MMP16: variants seen among roughly 807,000 people sequenced by gnomAD.
The protein encoded by MMP16 is matrix metallopeptidase 16, also known as matrix metalloproteinase-16.
A neutral mutation model predicts 67.8 loss-of-function variants in MMP16; 12 were observed. The ratio of observed to expected loss-of-function variants is 0.18; its 90% CI spans 0.11 to 0.29. The LOEUF is 0.29. Among genes scored for constraint, MMP16 ranks in the 10% least tolerant of loss-of-function variants. The probability of loss-of-function intolerance (pLI) is 1.00; values close to 1 mark genes in which losing one functional copy is unlikely to be tolerated. For missense variants in MMP16, 475 were observed against 765.7 expected (o/e 0.62, Z 4.48); for synonymous variants, 249 against 255.9 (o/e 0.97, Z 0.26).
At chr8:88,056,840 T>C (rs572145431) in intron 7 of MMP16, among the ~76,000 whole-genome samples, 19 of 152,276 alleles carry the variant, frequency 1.2e-4, no homozygotes, top group African/African-American at 4.3e-4. Flanking sequence ...TTCATGTCTT[T>C]AAGAGTGGTA....
intron 1 of MMP16, among the ~76,000 whole-genome samples, chr8:88,240,212 G>T (rs764795679): frequency 1.1e-4 from 17 of 152,204 alleles, no homozygotes; most frequent in Non-Finnish European, 2.1e-4. Context: ...CTAACCATCA[G>T]CAATTGTTAA....
At chr8:88,080,395 G>C (rs942094173) in intron 6 of MMP16, among the ~76,000 whole-genome samples, 2 of 152,112 alleles carry the variant, frequency 1.3e-5, no homozygotes. Flanking sequence ...ATACACGTTT[G>C]CTCACAAGCA....
At chr8:88,271,450 C>T (rs551309873) in intron 1 of MMP16, among the ~76,000 whole-genome samples, 1 of 152,072 alleles carries the variant, frequency 6.6e-6, no homozygotes, top group South Asian at 2.1e-4. Flanking sequence ...ATGTGTGACT[C>T]ATATCAGTCA....
intron 7 of MMP16, among the ~76,000 whole-genome samples, chr8:88,064,346 G>T (rs1411287437): frequency 3.9e-5 from 6 of 152,042 alleles, no homozygotes; most frequent in African/African-American, 1.4e-4. Context: ...TATTCTTTGA[G>T]AAAACATCAG....
In MMP16 at chr8:88,207,308, T is replaced by C. The variant is rs75947888; in HGVS notation, c.133-10002A>G. Among the ~76,000 whole-genome samples the C allele has an allele frequency of 6.5e-3, 988 of 152,308 alleles. 8 individuals carry two copies. Among genetic ancestry groups the C allele is most frequent in the Middle Eastern group, 0.01 (3 of 294 alleles). On this transcript the variant is annotated intron_variant, in intron 1 of 9. Coordinates refer to ENST00000286614, the MANE Select transcript of MMP16 (RefSeq NM_005941.5). Reference sequence around the variant, plus strand: ...TTAACTGTAGTACGTATTGTACTACTGTGATAATATCATAGCCACCTCCTG... The same window carrying C: ...TTAACTGTAGTACGTATTGTACTACCGTGATAATATCATAGCCACCTCCTG...
At chr8:88,186,664 T>A in intron 2 of MMP16, 66 bp from the exon 3 acceptor site, 2 of 1,522,362 alleles carry the variant, frequency 1.3e-6, no homozygotes, top group Non-Finnish European at 1.8e-6. Flanking sequence ...ACCCTAATCA[T>A]TAAATTCAAA....
In MMP16 at chr8:88,070,794, C is replaced by A. The variant is rs186021494; in HGVS notation, c.1222+3811G>T. ...CCTGACTCTCAGGATTCAATGTCCTCTGTTTCTTGATACCCAGTGTCTTTG... is the reference window on the plus strand; with the variant it reads ...CCTGACTCTCAGGATTCAATGTCCTATGTTTCTTGATACCCAGTGTCTTTG... On this transcript the variant is annotated intron_variant, in intron 7 of 9. Transcript: ENST00000286614. Among the ~76,000 whole-genome samples the A allele has an allele frequency of 2.1e-4, 32 of 152,194 alleles. No individual in the cohort carries two copies. The East Asian group carries it at 6.2e-3, about 29-fold the overall frequency.
At chr8:88,234,821 C>T (rs1809915630) in intron 1 of MMP16, among the ~76,000 whole-genome samples, 1 of 152,182 alleles carries the variant, frequency 6.6e-6, no homozygotes, top group African/African-American at 2.4e-5. Flanking sequence ...CTTTATTCCA[C>T]TTATTCATTG....
intron 1 of MMP16, among the ~76,000 whole-genome samples, chr8:88,266,450 T>C (rs1393418246): frequency 6.6e-6 from 1 of 152,186 alleles, no homozygotes; most frequent in African/African-American, 2.4e-5. Context: ...TATAAATTCA[T>C]CTGGAGTATA....
intron 1 of MMP16, among the ~76,000 whole-genome samples, chr8:88,218,334 T>C (rs1020666508): frequency 6.6e-6 from 1 of 151,980 alleles, no homozygotes; most frequent in Admixed American, 6.6e-5. Context: ...ATAGTCAGAA[T>C]GTAGGGGAAA....
chr8:88,249,108 G>A (rs1168108352), intron 1 of MMP16, among the ~76,000 whole-genome samples: 4 of 151,814 alleles, frequency 2.6e-5, no homozygotes, highest in African/African-American at 9.7e-5. Context: ...GAGGCATAGG[G>A]GACACTGAGC....
At chr8:88,163,755 A>G (rs1405926261) in intron 4 of MMP16, among the ~76,000 whole-genome samples, 1 of 152,084 alleles carries the variant, frequency 6.6e-6, no homozygotes, top group Non-Finnish European at 1.5e-5. Context: ...ATTTTGCTGG[A>G]CTTAAATTTT....
At chr8:88,288,552 G>C (rs562178963) in intron 1 of MMP16, among the ~76,000 whole-genome samples, 1 of 152,016 alleles carries the variant, frequency 6.6e-6, no homozygotes, top group South Asian at 2.1e-4. Context: ...CCAGTGTTCT[G>C]GTATCTTTAG....
chr8:88,109,924 A>G (rs1809305815), intron 6 of MMP16, among the ~76,000 whole-genome samples: 1 of 151,292 alleles, frequency 6.6e-6, no homozygotes, highest in African/African-American at 2.4e-5. Context: ...TTGCATGATT[A>G]TAGGGAATTG....
chr8:88,327,135 T>C lies in MMP16; in HGVS notation c.72A>G (p.Gln24=), dbSNP rs1332196427. Residue 24 remains glutamine (Q), a synonymous_variant, in exon 1 of 10, where the codon CAA becomes CAG. Coordinates refer to ENST00000286614, the MANE Select transcript of MMP16 (RefSeq NM_005941.5). The part of the protein sequence containing the change: ...FVHHSGVFFL[Q]TLLWILCATV... ...TAGCACATAAAATCCAAAGCAAGGTTTGCAAGAAAAACACCCCCGAATGAT... is the reference window on the plus strand; with the variant it reads ...TAGCACATAAAATCCAAAGCAAGGTCTGCAAGAAAAACACCCCCGAATGAT... The C allele has an allele frequency of 6.2e-7, 1 of 1,613,978 alleles. No individual in the cohort carries two copies. Among genetic ancestry groups the C allele is most frequent in the Non-Finnish European group, 8.5e-7 (1 of 1,179,972 alleles).
At chr8:88,061,588 T>C (rs1455161566) in intron 7 of MMP16, among the ~76,000 whole-genome samples, 1 of 152,060 alleles carries the variant, frequency 6.6e-6, no homozygotes, top group Non-Finnish European at 1.5e-5. Flanking sequence ...ACTAGGCTCA[T>C]CAATAACCAG....
At chr8:88,231,635 G>A (rs1809860206) in intron 1 of MMP16, among the ~76,000 whole-genome samples, 1 of 152,160 alleles carries the variant, frequency 6.6e-6, no homozygotes. Context: ...CCACCTAGGT[G>A]ACCAGCTTGT....
intron 4 of MMP16, among the ~76,000 whole-genome samples, chr8:88,146,155 C>G (rs1201378832): frequency 6.6e-6 from 1 of 151,930 alleles, no homozygotes; most frequent in Non-Finnish European, 1.5e-5. Flanking sequence ...ATGAAAACTT[C>G]AATTCAATGT....
chr8:88,109,079 T>A (rs999384168), intron 6 of MMP16, among the ~76,000 whole-genome samples: 12 of 151,490 alleles, frequency 7.9e-5, no homozygotes, highest in African/African-American at 2.9e-4. Context: ...AAGACAGAGT[T>A]AGAAGTAAAA....
Sources: gnomAD v4.1 joint callset for allele counts (sites outside exome capture counted in the v4.1 genomes callset) on GRCh38, gnomAD v4.1.1 for gene constraint, MANE v1.5 for transcripts, NCBI Gene and HGNC (gene_info 2026-07-23, HGNC 2026-07-21) for gene names.